KLF12: variants seen among roughly 807,000 people sequenced by gnomAD.
KLF12 encodes Krueppel-like factor 12.
KLF12 carries 9 observed loss-of-function variants against 37.8 expected under a neutral mutation model. That is an observed-to-expected ratio of 0.24 (90% CI 0.14 to 0.42). The LOEUF (loss-of-function observed/expected upper bound fraction) is 0.42, where lower values mean the gene tolerates loss of function less well. KLF12 is among the 10% of genes least tolerant of loss of function. KLF12 has a pLI of 1.00. For synonymous variants in KLF12, 208 were observed against 202.1 expected, an observed-to-expected ratio of 1.03 and a Z score of -0.25; for missense variants, 411 against 516.0, an observed-to-expected ratio of 0.80 and a Z score of 1.97.
the KLF12 span, among the ~76,000 whole-genome samples, chr13:74,191,836 T>C: frequency 6.6e-6 from 1 of 152,174 alleles, no homozygotes; most frequent in African/African-American, 2.4e-5. Flanking sequence ...TCTATATATA[T>C]ATAAAATGTA....
chr13:73,928,207 A>G (rs574512400), intron 3 of KLF12, among the ~76,000 whole-genome samples: 2 of 152,344 alleles, frequency 1.3e-5, no homozygotes, highest in East Asian at 3.9e-4. Flanking sequence ...GTCCATCCAC[A>G]GTTTTTACTG....
intron 5 of KLF12, among the ~76,000 whole-genome samples, chr13:73,779,845 C>T (rs1037571547): frequency 3.9e-5 from 6 of 152,186 alleles, no homozygotes; most frequent in African/African-American, 1.4e-4. Flanking sequence ...TTGGAGAATA[C>T]ATTTCATGAG....
At chr13:73,908,351 G>A (rs1888402401) in intron 3 of KLF12, among the ~76,000 whole-genome samples, 1 of 145,864 alleles carries the variant, frequency 6.9e-6, no homozygotes, top group South Asian at 2.2e-4. Context: ...GCAGTGAGCC[G>A]AGACTGAACC....
chr13:74,221,161 C>T, the KLF12 span, among the ~76,000 whole-genome samples: 7 of 152,008 alleles, frequency 4.6e-5, no homozygotes, highest in Non-Finnish European at 2.9e-5. Context: ...CCGCCGCCAC[C>T]ACGCCCGGCT....
the KLF12 span, among the ~76,000 whole-genome samples, chr13:74,172,171 A>ACACACACACACACACACT: frequency 6.6e-6 from 1 of 151,128 alleles, no homozygotes; most frequent in African/African-American, 2.4e-5. Flanking sequence ...ACACACACAC[A>ACACACACACACACACACT]CTCTACTGAC....
At chr13:74,109,410 A>G (rs1876850931) in intron 1 of KLF12, among the ~76,000 whole-genome samples, 2 of 152,106 alleles carry the variant, frequency 1.3e-5, no homozygotes, top group South Asian at 4.1e-4. Context: ...GATTATTTTT[A>G]AAAGCTAACA....
At chr13:74,203,676 A>G in the KLF12 span, among the ~76,000 whole-genome samples, 2 of 152,242 alleles carry the variant, frequency 1.3e-5, no homozygotes, top group Admixed American at 1.3e-4. Flanking sequence ...TTCTTGGCAA[A>G]GAGGGTTTAA....
At position 73,872,968 on chromosome 13, in the gene KLF12, C is replaced by T. The variant is rs541402151; in HGVS notation, c.124-26595G>A. Reference sequence around the variant, plus strand: ...TTTGACCACTGCTATCTTCCAAACACCTGGAATATTTGTGGTATAAATGAG... The same window carrying T: ...TTTGACCACTGCTATCTTCCAAACATCTGGAATATTTGTGGTATAAATGAG... On this transcript the variant is annotated intron_variant, in intron 3 of 7. Coordinates refer to ENST00000377669, the MANE Select transcript of KLF12 (RefSeq NM_007249.5). Among the ~76,000 whole-genome samples, 359 of 152,120 alleles carry T rather than the reference C, an allele frequency of 2.4e-3. 1 individual carries two copies. Among genetic ancestry groups the T allele is most frequent in the African/African-American group, 8.2e-3 (339 of 41,486 alleles).
chr13:73,907,811 C>T (rs541889987), intron 3 of KLF12, among the ~76,000 whole-genome samples: 2 of 152,258 alleles, frequency 1.3e-5, no homozygotes, highest in East Asian at 3.9e-4. Flanking sequence ...ACAGTGAAAG[C>T]CTAAGTCATT....
At chr13:73,875,834 C>T (rs1258712908) in intron 3 of KLF12, among the ~76,000 whole-genome samples, 3 of 152,098 alleles carry the variant, frequency 2.0e-5, no homozygotes, top group African/African-American at 7.2e-5. Context: ...ACTATCTTCA[C>T]CCAATTGTTT....
At chr13:74,257,792 G>A in the KLF12 span, 4 of 152,180 alleles carry the variant, frequency 2.6e-5, no homozygotes, top group African/African-American at 9.7e-5. Flanking sequence ...GGCAACATTG[G>A]TTGTCTTTGT....
At chr13:73,853,654 G>A (rs949943193) in intron 3 of KLF12, among the ~76,000 whole-genome samples, 2 of 151,626 alleles carry the variant, frequency 1.3e-5, no homozygotes, top group South Asian at 2.1e-4. Flanking sequence ...CAGGAGAATC[G>A]CTTGAACCTG....
At chr13:73,898,249 C>T (rs1420028615) in intron 3 of KLF12, among the ~76,000 whole-genome samples, 1 of 152,142 alleles carries the variant, frequency 6.6e-6, no homozygotes, top group Non-Finnish European at 1.5e-5. Context: ...ACAAAATAAA[C>T]TCCTAACAAA....
chr13:74,121,546 A>G (rs1877635672), intron 1 of KLF12, among the ~76,000 whole-genome samples: 1 of 152,112 alleles, frequency 6.6e-6, no homozygotes, highest in Non-Finnish European at 1.5e-5. Flanking sequence ...TAAGCAATGC[A>G]TATTTTTGAA....
chr13:73,782,225 T>G (rs1881011067), intron 5 of KLF12, among the ~76,000 whole-genome samples: 1 of 152,198 alleles, frequency 6.6e-6, no homozygotes, highest in Non-Finnish European at 1.5e-5. Context: ...ATCTTCATAA[T>G]GGGGATAGTT....
At chr13:73,774,554 A>G (rs1880478821) in intron 5 of KLF12, among the ~76,000 whole-genome samples, 1 of 152,180 alleles carries the variant, frequency 6.6e-6, no homozygotes, top group Non-Finnish European at 1.5e-5. Context: ...AAATGAGGTC[A>G]GTAGTTTTGT....
chr13:74,275,494 T>A, the KLF12 span, among the ~76,000 whole-genome samples: 2 of 152,208 alleles, frequency 1.3e-5, no homozygotes, highest in Non-Finnish European at 2.9e-5. Flanking sequence ...CTTGCATAAA[T>A]TATTAAATTC....
chr13:74,264,086 G>T, the KLF12 span, among the ~76,000 whole-genome samples: 1 of 152,154 alleles, frequency 6.6e-6, no homozygotes, highest in Non-Finnish European at 1.5e-5. Context: ...GTGATCGAAG[G>T]ATGACAGACT....
chr13:74,197,311 A>G, the KLF12 span, among the ~76,000 whole-genome samples: 1 of 152,202 alleles, frequency 6.6e-6, no homozygotes, highest in Non-Finnish European at 1.5e-5. Context: ...AAGTTTTAAA[A>G]TTCAAGGATA....
Sources: gnomAD v4.1 joint callset for allele counts (sites outside exome capture counted in the v4.1 genomes callset) on GRCh38, gnomAD v4.1.1 for gene constraint, MANE v1.5 for transcripts, NCBI Gene and HGNC (gene_info 2026-07-23, HGNC 2026-07-21) for gene names.